The following MBD5 variants were observed in gnomAD, a reference collection of about 807,000 sequenced individuals.
The protein encoded by MBD5 is methyl-CpG-binding domain protein 5.
Under a neutral mutation model 117.3 loss-of-function variants are expected in MBD5, and 13 were observed. That is an observed-to-expected ratio of 0.11 (90% CI 0.07 to 0.18). The LOEUF (loss-of-function observed/expected upper bound fraction) is 0.18, where lower values mean the gene tolerates loss of function less well. MBD5 is among the 10% of genes least tolerant of loss of function. The pLI, the probability that MBD5 is intolerant of heterozygous loss-of-function variation, is 1.00. For missense variants in MBD5, 1,879 were observed against 2,093.8 expected, an observed-to-expected ratio of 0.90 and a Z score of 2.00; for synonymous variants, 727 against 766.4, an observed-to-expected ratio of 0.95 and a Z score of 0.85.
chr2:148,177,912 T>A (rs749162708), intron 1 of MBD5, among the ~76,000 whole-genome samples: 2 of 152,158 alleles, frequency 1.3e-5, no homozygotes, highest in Non-Finnish European at 2.9e-5. Flanking sequence ...AACCACTTAC[T>A]TGGGAGGATG....
At chr2:148,270,379 A>G (rs1185734470) in intron 3 of MBD5, among the ~76,000 whole-genome samples, 1 of 142,730 alleles carries the variant, frequency 7.0e-6, no homozygotes, top group African/African-American at 2.6e-5. Context: ...GGAAACTTCC[A>G]TTACTTCCTT....
At chr2:148,425,545 C>A (rs1574410822) in intron 4 of MBD5, among the ~76,000 whole-genome samples, 1 of 152,154 alleles carries the variant, frequency 6.6e-6, no homozygotes, top group South Asian at 2.1e-4. Context: ...ATGAGGCCAG[C>A]ATCATCCTGA....
intron 4 of MBD5, among the ~76,000 whole-genome samples, chr2:148,414,438 G>A (rs1297538310): frequency 4.5e-4 from 68 of 152,148 alleles, no homozygotes; most frequent in Non-Finnish European, 1.2e-4. Context: ...TGTATATTCT[G>A]TTGTTTTCAG....
rs1011847192 is a variant in MBD5 at position 148,470,239 on chromosome 2, A to G, written c.2296A>G (p.Thr766Ala). The change falls in exon 8 of 14, where the codon ACT (threonine) becomes GCT (alanine). Residue 766 changes from threonine (T) to alanine (A), a missense_variant. Around this residue, in one of 4 missense-constraint regions of MBD5, gnomAD observed 1,666 missense variants for 1,792.2 expected, o/e 0.93. Transcript: ENST00000642680. ...GEAVHCHNAN[T>A]NFVHSNSPVP... ...AGCCGTGCACTGCCACAATGCAAAC[A>G]CTAACTTTGTTCACAGTAACAGTCC... 10 of 1,613,962 alleles carry G rather than the reference A, an allele frequency of 6.2e-6. No homozygotes were observed. Among genetic ancestry groups the G allele is most frequent in the Non-Finnish European group, 8.5e-6 (10 of 1,179,908 alleles).
chr2:148,467,351 G>C (rs963559040), intron 7 of MBD5, among the ~76,000 whole-genome samples: 3 of 152,158 alleles, frequency 2.0e-5, no homozygotes, highest in Non-Finnish European at 2.9e-5. Context: ...CCTGTATTCT[G>C]TCTGATCTCC....
intron 1 of MBD5, among the ~76,000 whole-genome samples, chr2:148,063,006 G>A (rs1281488819): frequency 1.3e-5 from 2 of 152,058 alleles, no homozygotes; most frequent in Non-Finnish European, 2.9e-5. Context: ...CGGATTCCTT[G>A]AGATCTATGA....
chr2:148,183,880 A>G lies in MBD5; in HGVS notation c.-831+5087A>G, dbSNP rs74933093. Among the ~76,000 whole-genome samples, 303 of 152,294 alleles carry G rather than the reference A, an allele frequency of 2.0e-3. 6 individuals carry two copies. The East Asian group carries it at 0.053, about 27-fold the overall frequency. ...GTCATATGTAAAAATCTAGGTTTTAATATTTTTCCTTCAATACTTTGAAAA... is the reference window on the plus strand; with the variant it reads ...GTCATATGTAAAAATCTAGGTTTTAGTATTTTTCCTTCAATACTTTGAAAA... On this transcript the variant is annotated intron_variant, in intron 2 of 13. Transcript: ENST00000642680.
intron 4 of MBD5, among the ~76,000 whole-genome samples, chr2:148,417,943 G>A (rs185157706): frequency 6.0e-4 from 91 of 151,870 alleles, no homozygotes; most frequent in African/African-American, 2.1e-3. Flanking sequence ...GGGCTCAAGC[G>A]ATCCTCCCAC....
At chr2:148,079,879 AAC>A (rs1695604281) in intron 1 of MBD5, among the ~76,000 whole-genome samples, 1 of 52,118 alleles carries the variant, frequency 1.9e-5, no homozygotes, top group Non-Finnish European at 4.8e-5. Context: ...CAACAACAAC[AAC>A]AACAACAACA....
intron 1 of MBD5, among the ~76,000 whole-genome samples, chr2:148,174,542 A>G (rs1698335461): frequency 6.6e-6 from 1 of 152,098 alleles, no homozygotes; most frequent in African/African-American, 2.4e-5. Flanking sequence ...TTTTCAAGTC[A>G]TACATTGAAT....
chr2:148,052,556 A>G (rs1694743657), intron 1 of MBD5, among the ~76,000 whole-genome samples: 1 of 151,218 alleles, frequency 6.6e-6, no homozygotes, highest in Admixed American at 6.6e-5. Flanking sequence ...TTTCCCTCTT[A>G]GCACTGCTTT....
At chr2:148,209,929 C>G (rs1396167068) in intron 2 of MBD5, among the ~76,000 whole-genome samples, 1 of 152,090 alleles carries the variant, frequency 6.6e-6, no homozygotes, top group Admixed American at 6.5e-5. Context: ...TCCACCAGGC[C>G]CCACCTTCAA....
intron 11 of MBD5, among the ~76,000 whole-genome samples, chr2:148,492,866 G>A (rs1168737600): frequency 2.6e-5 from 4 of 151,986 alleles, no homozygotes; most frequent in Admixed American, 6.6e-5. Context: ...AAGACAAAAC[G>A]TGATGTATTT....
At chr2:148,325,746 C>CTT (rs1702429894) in intron 3 of MBD5, among the ~76,000 whole-genome samples, 1 of 151,800 alleles carries the variant, frequency 6.6e-6, no homozygotes, top group African/African-American at 2.4e-5. Flanking sequence ...ATTAGTCTTG[C>CTT]TAGTGGTCTA....
At chr2:148,290,650 C>G (rs942642334) in intron 3 of MBD5, among the ~76,000 whole-genome samples, 5 of 152,102 alleles carry the variant, frequency 3.3e-5, no homozygotes, top group African/African-American at 1.2e-4. Flanking sequence ...TTACTCAGTA[C>G]AGTATTTTTA....
At position 148,228,323 on chromosome 2, in the gene MBD5, A is replaced by G. The variant is rs548186428; in HGVS notation, c.-830-4922A>G. Among the ~76,000 whole-genome samples, 417 of 152,164 alleles carry G rather than the reference A, an allele frequency of 2.7e-3. 9 individuals carry two copies. Among genetic ancestry groups the G allele is most frequent in the Admixed American group, 0.026 (389 of 15,254 alleles). ...TTATTGAGAGTTTTTAGCATGAAGCATTGTTGAATTTTGTCAAGGGCCTTT... is the reference window on the plus strand; with the variant it reads ...TTATTGAGAGTTTTTAGCATGAAGCGTTGTTGAATTTTGTCAAGGGCCTTT... On this transcript the variant is annotated intron_variant, in intron 2 of 13. Coordinates refer to ENST00000642680, the MANE Select transcript of MBD5 (RefSeq NM_001378120.1).
intron 4 of MBD5, among the ~76,000 whole-genome samples, chr2:148,441,956 T>C (rs1706339010): frequency 6.6e-6 from 1 of 152,176 alleles, no homozygotes; most frequent in South Asian, 2.1e-4. Context: ...TAGTGTTGTT[T>C]GTTTTTTTCT....
At chr2:148,245,717 G>T (rs1314104972) in intron 3 of MBD5, among the ~76,000 whole-genome samples, 3 of 152,058 alleles carry the variant, frequency 2.0e-5, no homozygotes, top group Non-Finnish European at 2.9e-5. Flanking sequence ...TTTCTGTTTG[G>T]AAATTTTCTT....
chr2:148,268,707 TA>T lies in MBD5; in HGVS notation c.-680+35319del, dbSNP rs1195745336. Among the ~76,000 whole-genome samples, 15 of 151,758 alleles carry T rather than the reference TA, an allele frequency of 9.9e-5. No individual in the cohort carries two copies. The South Asian group carries it at 2.7e-3, about 27-fold the overall frequency. ...AAATAAAAGTGGATATTGGACATTA[TA>T]AAAAAACTTGAGTCATTTATAGTGA... is the stretch of plus-strand genomic sequence containing the variant. On this transcript the variant is annotated intron_variant, in intron 3 of 13. Coordinates refer to ENST00000642680, the MANE Select transcript of MBD5 (RefSeq NM_001378120.1).
Sources: gnomAD v4.1 joint callset for allele counts (sites outside exome capture counted in the v4.1 genomes callset) on GRCh38, gnomAD v4.1.1 for gene constraint, gnomAD v4.1.1 regional missense constraint, MANE v1.5 for transcripts, NCBI Gene and HGNC (gene_info 2026-07-23, HGNC 2026-07-21) for gene names.